The following WWOX variants were observed in gnomAD, a reference collection of about 807,000 sequenced individuals.
WWOX encodes WW domain-containing oxidoreductase.
A neutral mutation model predicts 46.2 loss-of-function variants in WWOX; 69 were observed. The observed-to-expected ratio is 1.49, with a 90% confidence interval of 1.23 to 1.82. The LOEUF (loss-of-function observed/expected upper bound fraction) is 1.82. Among genes scored for constraint, WWOX ranks in the 40% most tolerant of loss-of-function variants. The probability of loss-of-function intolerance (pLI) is 0.00; values close to 1 mark genes in which losing one functional copy is unlikely to be tolerated. For synonymous variants in WWOX, 359 were observed against 202.6 expected (o/e 1.77, Z -6.56); for missense variants, 919 against 542.6 (o/e 1.69, Z -6.89).
intron 8 of WWOX, among the ~76,000 whole-genome samples, chr16:78,817,375 C>T (rs1358323570): frequency 1.3e-5 from 2 of 152,068 alleles, no homozygotes; most frequent in Admixed American, 1.3e-4. Flanking sequence ...ATTCCTAGTG[C>T]AGGCCAGCCT....
At chr16:79,080,560 A>G (rs2048741965) in intron 8 of WWOX, among the ~76,000 whole-genome samples, 1 of 152,208 alleles carries the variant, frequency 6.6e-6, no homozygotes, top group Non-Finnish European at 1.5e-5. Flanking sequence ...CCAGAACCAG[A>G]TTGTCTAACA....
At chr16:79,083,438 A>G (rs1403855405) in intron 8 of WWOX, among the ~76,000 whole-genome samples, 1 of 152,152 alleles carries the variant, frequency 6.6e-6, no homozygotes, top group Non-Finnish European at 1.5e-5. Flanking sequence ...ACTAATGTCA[A>G]GAACAAAGCT....
intron 5 of WWOX, among the ~76,000 whole-genome samples, chr16:78,206,680 A>G (rs1231667337): frequency 6.6e-6 from 1 of 152,160 alleles, no homozygotes; most frequent in Non-Finnish European, 1.5e-5. Flanking sequence ...TATGAAAATC[A>G]TTACTGATTA....
intron 8 of WWOX, among the ~76,000 whole-genome samples, chr16:78,982,280 C>G (rs555780816): frequency 6.6e-6 from 1 of 152,312 alleles, no homozygotes; most frequent in South Asian, 2.1e-4. Context: ...GTTTGAATCA[C>G]TTTGACTTTG....
At position 78,987,609 on chromosome 16, in the gene WWOX, A is replaced by G. The variant is rs562813800; in HGVS notation, c.1057-223999A>G. On this transcript the variant is annotated intron_variant, in intron 8 of 8. Coordinates refer to ENST00000566780, the MANE Select transcript of WWOX (RefSeq NM_016373.4). The stretch of plus-strand genomic sequence containing the variant: ...AAGACCTCTTCAAGGACTTTCCTCT[A>G]TGCTCCCTCATGTTTCAAGTGGCTT... Among the ~76,000 whole-genome samples, 5 of 152,262 alleles carry G rather than the reference A, an allele frequency of 3.3e-5. No individual in the cohort carries two copies. The South Asian group carries it at 6.2e-4, about 19-fold the overall frequency.
chr16:78,996,376 A>ACC lies in WWOX; in HGVS notation c.1057-215228_1057-215227dup, dbSNP rs1338159064. On this transcript the variant is annotated intron_variant, in intron 8 of 8. Coordinates refer to ENST00000566780, the MANE Select transcript of WWOX (RefSeq NM_016373.4). ...AAGAGTGTGAGTGAATTCTGCACCC[A>ACC]CCCCCGCCCCCCAGCTTCCCCACCT... The ACC allele has an allele frequency of 9.0e-3, 4,210 of 465,828 alleles. 5 individuals carry two copies. Among genetic ancestry groups the ACC allele is most frequent in the African/African-American group, 0.023 (440 of 19,418 alleles). 28.9% of individuals were successfully genotyped at this position (465,828 alleles called of 1,614,324 possible).
chr16:78,912,904 A>G (rs920119776), intron 8 of WWOX, among the ~76,000 whole-genome samples: 2 of 151,996 alleles, frequency 1.3e-5, no homozygotes, highest in Non-Finnish European at 1.5e-5. Flanking sequence ...AACACTATCC[A>G]TTAGCAAGAG....
chr16:78,968,729 C>G (rs2046412346), intron 8 of WWOX, among the ~76,000 whole-genome samples: 1 of 152,068 alleles, frequency 6.6e-6, no homozygotes, highest in Non-Finnish European at 1.5e-5. Flanking sequence ...TTTTTGAAAC[C>G]ATGCTCATTG....
chr16:79,199,915 T>C (rs1188650413), intron 8 of WWOX, among the ~76,000 whole-genome samples: 1 of 152,138 alleles, frequency 6.6e-6, no homozygotes, highest in Admixed American at 6.5e-5. Flanking sequence ...GGGAGAAGAA[T>C]AAGATGTTCC....
chr16:78,419,021 C>T (rs561676889), intron 6 of WWOX, among the ~76,000 whole-genome samples: 6 of 152,154 alleles, frequency 3.9e-5, no homozygotes, highest in African/African-American at 1.2e-4. Flanking sequence ...TCTTTATTTG[C>T]AAATGAAATC....
At chr16:78,192,008 A>G (rs1057190253) in intron 5 of WWOX, among the ~76,000 whole-genome samples, 1 of 152,078 alleles carries the variant, frequency 6.6e-6, no homozygotes, top group Non-Finnish European at 1.5e-5. Flanking sequence ...TTATCCATTT[A>G]TTTTCTAGGC....
intron 8 of WWOX, among the ~76,000 whole-genome samples, chr16:78,760,475 G>C (rs1474202285): frequency 6.6e-6 from 1 of 152,160 alleles, no homozygotes; most frequent in African/African-American, 2.4e-5. Flanking sequence ...GGTGGGATTA[G>C]GACTTAGACA....
chr16:78,836,684 G>A (rs2051994235), intron 8 of WWOX, among the ~76,000 whole-genome samples: 1 of 152,172 alleles, frequency 6.6e-6, no homozygotes, highest in African/African-American at 2.4e-5. Flanking sequence ...AAAATGACAT[G>A]CAGAAATACT....
intron 8 of WWOX, among the ~76,000 whole-genome samples, chr16:78,858,714 T>A (rs946748720): frequency 6.6e-6 from 1 of 151,988 alleles, no homozygotes; most frequent in African/African-American, 2.4e-5. Context: ...GTGTCTTACT[T>A]CATCACCCAT....
Position 78,757,043 on chromosome 16 carries a change from C to T in WWOX, c.1056+324291C>T, listed in dbSNP as rs183009919. The T allele has an allele frequency of 5.4e-4, 378 of 702,814 alleles. 1 individual carries two copies. The African/African-American group carries it at 5.7e-3, about 11-fold the overall frequency. The allele number at this position is 702,814 out of a possible 1,614,324, so 43.5% of individuals were successfully genotyped here. On this transcript the variant is annotated intron_variant, in intron 8 of 8. Transcript: ENST00000566780. ...GAGTGAACCACGTTCGAAGTTGATT[C>T]TGCAGCCCTAGTTAAGCCTTGAGGT...
chr16:78,897,266 A>AAAC (rs1555562291), intron 8 of WWOX: 1 of 137,104 alleles, frequency 7.3e-6, no homozygotes, highest in Non-Finnish European at 1.6e-5. Context: ...AAAAAAAAAA[A>AAAC]CCAAAAAAAC....
chr16:78,125,505 G>T (rs1185495844), intron 4 of WWOX, among the ~76,000 whole-genome samples: 1 of 152,122 alleles, frequency 6.6e-6, no homozygotes, highest in Admixed American at 6.5e-5. Flanking sequence ...GCTGGGAGTG[G>T]CATCTGCGGG....
intron 8 of WWOX, among the ~76,000 whole-genome samples, chr16:79,015,054 T>A (rs2047385040): frequency 6.6e-6 from 1 of 152,194 alleles, no homozygotes; most frequent in Non-Finnish European, 1.5e-5. Flanking sequence ...GCCTTTCTCC[T>A]GCTGTCATCC....
chr16:78,566,861 C>G (rs1010776862), intron 8 of WWOX, among the ~76,000 whole-genome samples: 1 of 152,136 alleles, frequency 6.6e-6, no homozygotes, highest in Non-Finnish European at 1.5e-5. Context: ...GTCATCAGTT[C>G]AGAGTTGAAA....
Sources: gnomAD v4.1 joint callset for allele counts (sites outside exome capture counted in the v4.1 genomes callset) on GRCh38, gnomAD v4.1.1 for gene constraint, MANE v1.5 for transcripts, NCBI Gene and HGNC (gene_info 2026-07-23, HGNC 2026-07-21) for gene names.